MARCHF4: variants seen among roughly 807,000 people sequenced by gnomAD.
MARCHF4 encodes the protein membrane associated ring-CH-type finger 4.
Under a neutral mutation model 43.9 loss-of-function variants are expected in MARCHF4, and 14 were observed. The observed-to-expected ratio is 0.32, with a 90% confidence interval of 0.21 to 0.50. MARCHF4 has a LOEUF of 0.50. Ranked by LOEUF, MARCHF4 falls within the 20% of genes least tolerant of loss-of-function variation. The pLI, the probability that MARCHF4 is intolerant of heterozygous loss-of-function variation, is 0.98. For missense variants in MARCHF4, 468 were observed against 536.7 expected (o/e 0.87, Z 1.27); for synonymous variants, 226 against 213.3 (o/e 1.06, Z -0.52).
chr2:216,280,449 G>C lies in MARCHF4; in HGVS notation c.673-2585C>G, dbSNP rs993206308. On this transcript the variant is annotated intron_variant, in intron 2 of 3. Coordinates refer to ENST00000273067, the MANE Select transcript of MARCHF4 (RefSeq NM_020814.3). ...GCTCCTACGCACTGAGTGTGACCTA[G>C]GAGAAGTCAATCAATCATGAGGACC... 3.2e-4 allele frequency among the ~76,000 whole-genome samples: 48 copies of C among 152,174 alleles called. 1 individual carries two copies. The highest frequency in any genetic ancestry group is 2.1e-4 in the South Asian group (1 of 4,826).
At chr2:216,286,890 T>A (rs1691226685) in intron 1 of MARCHF4, among the ~76,000 whole-genome samples, 1 of 152,214 alleles carries the variant, frequency 6.6e-6, no homozygotes, top group Non-Finnish European at 1.5e-5. Context: ...GTAAGCTCTG[T>A]TAAAAGCTAC....
At chr2:216,358,812 A>C (rs2105983406) in intron 1 of MARCHF4, among the ~76,000 whole-genome samples, 1 of 152,318 alleles carries the variant, frequency 6.6e-6, no homozygotes, top group East Asian at 1.9e-4. Context: ...TCCTAGATGC[A>C]GCCAGGCATT....
At chr2:216,291,072 C>A (rs1333669226) in intron 1 of MARCHF4, among the ~76,000 whole-genome samples, 1 of 152,014 alleles carries the variant, frequency 6.6e-6, no homozygotes, top group African/African-American at 2.4e-5. Flanking sequence ...ATGAGACAAC[C>A]AAAGCAGTGA....
In MARCHF4 at chr2:216,277,660, C is replaced by A; in HGVS notation, c.865+12G>T. 2 of 1,590,836 alleles carry A rather than the reference C, an allele frequency of 1.3e-6. No individual in the cohort carries two copies. The highest frequency in any genetic ancestry group is 1.7e-6 in the Non-Finnish European group (2 of 1,162,714). The stretch of plus-strand genomic sequence containing the variant: ...TTCCCCACTTCCCATGGAGACAAAC[C>A]CCCAGACCCACCTATGCACACCACG... On this transcript the variant is annotated intron_variant, in intron 3 of 3. Coordinates refer to ENST00000273067, the MANE Select transcript of MARCHF4 (RefSeq NM_020814.3).
intron 1 of MARCHF4, among the ~76,000 whole-genome samples, chr2:216,289,776 T>C (rs570013152): frequency 2.1e-4 from 32 of 152,280 alleles, no homozygotes; most frequent in African/African-American, 7.2e-4. Context: ...TCGTGTACCA[T>C]GCTGTAGTTT....
At chr2:216,320,686 T>G (rs1691877470) in intron 1 of MARCHF4, among the ~76,000 whole-genome samples, 2 of 143,806 alleles carry the variant, frequency 1.4e-5, no homozygotes, top group African/African-American at 2.6e-5. Flanking sequence ...TTTTTTTTTT[T>G]TTGAGATGGA....
intron 1 of MARCHF4, among the ~76,000 whole-genome samples, chr2:216,365,654 TCTAA>T (rs1383463922): frequency 6.6e-6 from 1 of 152,252 alleles, no homozygotes; most frequent in African/African-American, 2.4e-5. Flanking sequence ...AGAAGCCTTC[TCTAA>T]CTAACTGTAG....
intron 1 of MARCHF4, among the ~76,000 whole-genome samples, chr2:216,368,962 G>A (rs1485890114): frequency 6.6e-6 from 1 of 152,182 alleles, no homozygotes; most frequent in Non-Finnish European, 1.5e-5. Flanking sequence ...TGGTGCATAT[G>A]AGAGTTGGCA....
At chr2:216,353,579 ACT>A (rs1468154880) in intron 1 of MARCHF4, among the ~76,000 whole-genome samples, 1 of 151,778 alleles carries the variant, frequency 6.6e-6, no homozygotes, top group Non-Finnish European at 1.5e-5. Flanking sequence ...ATGGAGTCTT[ACT>A]CTGTTGTCCA....
intron 1 of MARCHF4, among the ~76,000 whole-genome samples, chr2:216,359,686 G>A (rs1205667772): frequency 1.3e-5 from 2 of 152,212 alleles, no homozygotes; most frequent in Non-Finnish European, 2.9e-5. Context: ...GAGTTATGCA[G>A]ACCTCCACCT....
intron 1 of MARCHF4, among the ~76,000 whole-genome samples, chr2:216,290,190 G>T (rs961095837): frequency 6.6e-6 from 1 of 152,134 alleles, no homozygotes; most frequent in Non-Finnish European, 1.5e-5. Context: ...TAGAAAGGAG[G>T]GGGTGAGTTG....
At chr2:216,301,821 A>G (rs1691496954) in intron 1 of MARCHF4, among the ~76,000 whole-genome samples, 1 of 152,256 alleles carries the variant, frequency 6.6e-6, no homozygotes, top group Admixed American at 6.5e-5. Context: ...TTTTCTAATT[A>G]TTAAAATGAG....
intron 2 of MARCHF4, among the ~76,000 whole-genome samples, chr2:216,279,216 C>T (rs1169995879): frequency 6.6e-6 from 1 of 152,156 alleles, no homozygotes; most frequent in African/African-American, 2.4e-5. Flanking sequence ...GAAGACTGCT[C>T]CCGGCAGAGG....
intron 3 of MARCHF4, among the ~76,000 whole-genome samples, chr2:216,262,860 AAAT>A (rs1415503882): frequency 6.6e-6 from 1 of 152,238 alleles, no homozygotes; most frequent in African/African-American, 2.4e-5. Context: ...TATAAAATAA[AAAT>A]AATAAAGGGA....
At chr2:216,313,458 T>C (rs1453076790) in intron 1 of MARCHF4, among the ~76,000 whole-genome samples, 2 of 152,174 alleles carry the variant, frequency 1.3e-5, no homozygotes, top group African/African-American at 4.8e-5. Context: ...TTAGAAAAAA[T>C]TACTGATATT....
intron 2 of MARCHF4, among the ~76,000 whole-genome samples, chr2:216,283,133 T>C (rs1691158147): frequency 6.6e-6 from 1 of 152,200 alleles, no homozygotes; most frequent in African/African-American, 2.4e-5. Flanking sequence ...GTCCTTCTCC[T>C]CACCCCTCCC....
chr2:216,344,515 C>A (rs545934274), intron 1 of MARCHF4, among the ~76,000 whole-genome samples: 1 of 152,146 alleles, frequency 6.6e-6, no homozygotes, highest in African/African-American at 2.4e-5. Flanking sequence ...AAGACAGAAC[C>A]AAGAGAGGAA....
At chr2:216,348,186 C>T (rs1030501875) in intron 1 of MARCHF4, among the ~76,000 whole-genome samples, 7 of 151,874 alleles carry the variant, frequency 4.6e-5, no homozygotes, top group Admixed American at 3.3e-4. Flanking sequence ...TACAAGCATG[C>T]ATCACCACAC....
At chr2:216,297,593 C>T (rs1180950301) in intron 1 of MARCHF4, among the ~76,000 whole-genome samples, 4 of 152,212 alleles carry the variant, frequency 2.6e-5, no homozygotes, top group African/African-American at 4.8e-5. Flanking sequence ...CTCACCGCAA[C>T]GTCCGCCTCC....
Sources: gnomAD v4.1 joint callset for allele counts (sites outside exome capture counted in the v4.1 genomes callset) on GRCh38, gnomAD v4.1.1 for gene constraint, MANE v1.5 for transcripts, NCBI Gene and HGNC (gene_info 2026-07-23, HGNC 2026-07-21) for gene names.